The following ANKRD26 variants were observed in gnomAD, a reference collection of about 807,000 sequenced individuals.
ANKRD26 encodes the protein ankyrin repeat domain-containing protein 26.
Under a neutral mutation model 208.7 loss-of-function variants are expected in ANKRD26, and 141 were observed. The ratio of observed to expected loss-of-function variants is 0.68; its 90% CI spans 0.59 to 0.78. The LOEUF is 0.78. Among genes scored for constraint, ANKRD26 ranks in the 30% least tolerant of loss-of-function variants. The pLI, the probability that ANKRD26 is intolerant of heterozygous loss-of-function variation, is 0.00. For synonymous variants in ANKRD26, 636 were observed against 660.4 expected, an observed-to-expected ratio of 0.96 and a Z score of 0.57; for missense variants, 1,889 against 1,938.7, an observed-to-expected ratio of 0.97 and a Z score of 0.48.
At chr10:26,983,930 C>G (rs952446108) in intron 3 of ANKRD26, among the ~76,000 whole-genome samples, 1 of 152,140 alleles carries the variant, frequency 6.6e-6, no homozygotes, top group South Asian at 2.1e-4. Context: ...CCCATCATGA[C>G]AGGCTGGAGC....
intron 25 of ANKRD26, among the ~76,000 whole-genome samples, chr10:27,030,994 C>T (rs1453025819): frequency 6.6e-6 from 1 of 152,078 alleles, no homozygotes; most frequent in African/African-American, 2.4e-5. Flanking sequence ...AAATTAAGGG[C>T]AAATTGTTCT....
intron 27 of ANKRD26, among the ~76,000 whole-genome samples, chr10:27,025,607 T>C (rs1001715360): frequency 6.6e-6 from 1 of 152,338 alleles, no homozygotes; most frequent in Admixed American, 6.5e-5. Flanking sequence ...CCCTATTTTT[T>C]AGTCTTTAAT....
intron 1 of ANKRD26, 29 bp from the exon 2 acceptor site, chr10:27,093,828 C>T: frequency 7.0e-7 from 1 of 1,433,698 alleles, no homozygotes; most frequent in Non-Finnish European, 9.8e-7. Context: ...TTTTTATAAA[C>T]TGTAGTGCAC....
At chr10:27,063,754 C>G (rs2055145974) in intron 12 of ANKRD26, among the ~76,000 whole-genome samples, 1 of 152,158 alleles carries the variant, frequency 6.6e-6, no homozygotes, top group East Asian at 1.9e-4. Context: ...TCCTGGCTCC[C>G]TCAGGTCTTA....
chr10:27,022,542 A>T lies in ANKRD26; in HGVS notation c.4215+16T>A. 6.7e-7 allele frequency: 1 copy of T among 1,491,606 alleles called. No homozygotes were observed. The highest frequency in any genetic ancestry group is 1.7e-5 in the Admixed American group (1 of 57,430). The allele number at this position is 1,491,606 out of a possible 1,614,324, so 92.4% of individuals were successfully genotyped here. On this transcript the variant is annotated intron_variant, in intron 29 of 33. Transcript: ENST00000376087. Reference sequence around the variant, plus strand: ...ATTAAGTGACTTTTTTGGTCCCAAAACTTATTAAAAATTACCTTATGTTTT... The same window carrying T: ...ATTAAGTGACTTTTTTGGTCCCAAATCTTATTAAAAATTACCTTATGTTTT...
chr10:27,020,353 C>G (rs1462378924), intron 29 of ANKRD26, among the ~76,000 whole-genome samples: 2 of 152,100 alleles, frequency 1.3e-5, no homozygotes, highest in African/African-American at 4.8e-5. Flanking sequence ...TAACTGTATT[C>G]GCCCTGTGGT....
intron 3 of ANKRD26, among the ~76,000 whole-genome samples, chr10:26,984,687 A>T (rs1321418399): frequency 1.3e-5 from 2 of 152,138 alleles, no homozygotes; most frequent in Non-Finnish European, 2.9e-5. Context: ...CCTGGAGAAA[A>T]GTTGGGTCGG....
rs193178384 is a variant in ANKRD26 at position 27,046,368 on chromosome 10, T to C, written c.1970A>G (p.Asp657Gly). 1 of 1,614,080 alleles carries C rather than the reference T, an allele frequency of 6.2e-7. No individual in the cohort carries two copies. The highest frequency in any genetic ancestry group is 2.2e-5 in the East Asian group (1 of 44,866). The change falls in exon 18 of 34, where the codon GAT (aspartate) becomes GGT (glycine). Residue 657 changes from aspartate to glycine, a missense_variant. Asp to Gly is a moderately conservative substitution (Grantham distance 94). Around this residue, in one of 3 missense-constraint regions of ANKRD26, gnomAD observed 1,272 missense variants for 1,273.8 expected, o/e 1.00. Transcript: ENST00000376087. ...TAGATTTTACCTTCCTTCATCCTCA[T>C]CTATTTCACTTAAACTGCTGTCATC... ...VDDDSSLSEIDEDEGRPTKKT... is the reference protein window; with the variant it reads ...VDDDSSLSEIGEDEGRPTKKT...
chr10:26,994,047 T>C (rs1438680279), intron 5 of ANKRD26, among the ~76,000 whole-genome samples: 3 of 152,216 alleles, frequency 2.0e-5, no homozygotes, highest in African/African-American at 7.2e-5. Context: ...CCAGTATCTC[T>C]AGGACAATCA....
At chr10:27,056,223 G>T (rs2054834866) in intron 15 of ANKRD26, among the ~76,000 whole-genome samples, 1 of 152,086 alleles carries the variant, frequency 6.6e-6, no homozygotes, top group Non-Finnish European at 1.5e-5. Flanking sequence ...TGTCGCCCAG[G>T]TTGGAGGGCA....
At chr10:27,056,171 G>A (rs936625664) in intron 15 of ANKRD26, among the ~76,000 whole-genome samples, 5 of 152,052 alleles carry the variant, frequency 3.3e-5, no homozygotes, top group African/African-American at 1.2e-4. Flanking sequence ...CGCTAAAAAT[G>A]ATTCTTTTTC....
intron 33 of ANKRD26, among the ~76,000 whole-genome samples, chr10:27,006,545 C>T (rs563254322): frequency 2.4e-4 from 36 of 152,180 alleles, no homozygotes; most frequent in Non-Finnish European, 1.5e-5. Flanking sequence ...GGTCTTTGGG[C>T]CTTAAATCAC....
intron 28 of ANKRD26, 98 bp downstream of exon 28, chr10:27,024,349 T>C: frequency 3.0e-6 from 2 of 669,568 alleles, no homozygotes; most frequent in Non-Finnish European, 5.1e-6. Flanking sequence ...TAAGAAAAAG[T>C]AGATATTAAA....
At chr10:26,970,846 A>G (rs984140116), downstream of ANKRD26, among the ~76,000 whole-genome samples, 2 of 152,232 alleles carry the variant, frequency 1.3e-5, no homozygotes, top group African/African-American at 4.8e-5. Context: ...TATAAGAAAG[A>G]CAGTAAAAAC....
At chr10:27,014,363 A>T in intron 31 of ANKRD26, 131 bp downstream of exon 31, 1 of 671,466 alleles carries the variant, frequency 1.5e-6, no homozygotes, top group Non-Finnish European at 2.5e-6. Context: ...AAGTTAATTT[A>T]CTAACATTTT....
intron 1 of ANKRD26, 43 bp downstream of exon 1, chr10:27,100,042 C>G: frequency 6.2e-7 from 1 of 1,611,754 alleles, no homozygotes; most frequent in Non-Finnish European, 8.5e-7. Context: ...TTCCTGCCCG[C>G]CTACTCCAGT....
chr10:26,995,310 C>A (rs1051058690), intron 4 of ANKRD26, among the ~76,000 whole-genome samples: 4 of 152,070 alleles, frequency 2.6e-5, no homozygotes, highest in Admixed American at 6.6e-5. Flanking sequence ...AGGAAGGGAA[C>A]CCATGATTAT....
At chr10:26,972,217 A>G (rs1242769229), downstream of ANKRD26, among the ~76,000 whole-genome samples, 3 of 150,542 alleles carry the variant, frequency 2.0e-5, no homozygotes, top group East Asian at 5.8e-4. Flanking sequence ...CCTGGGCGAC[A>G]GAGCGAGACT....
chr10:26,987,830 C>T (rs187232137), downstream of ANKRD26, among the ~76,000 whole-genome samples: 7 of 152,100 alleles, frequency 4.6e-5, no homozygotes, highest in East Asian at 1.9e-4. Flanking sequence ...GGGAAGAACA[C>T]GTAATAATAT....
Sources: allele counts gnomAD v4.1 joint callset (sites outside exome capture counted in the v4.1 genomes callset), GRCh38; gene constraint gnomAD v4.1.1; regional missense constraint gnomAD v4.1.1; transcripts MANE v1.5; gene names NCBI Gene and HGNC (gene_info 2026-07-23, HGNC 2026-07-21).